TOM1L2: variants seen among roughly 807,000 people sequenced by gnomAD.
TOM1L2 encodes the protein target of myb1 like 2 membrane trafficking protein.
Under a neutral mutation model 67.9 loss-of-function variants are expected in TOM1L2, and 31 were observed. That is an observed-to-expected ratio of 0.46 (90% confidence interval 0.34 to 0.62). The LOEUF (loss-of-function observed/expected upper bound fraction) is 0.62, where lower values mean the gene tolerates loss of function less well. Ranked by LOEUF, TOM1L2 falls within the 20% of genes least tolerant of loss-of-function variation. The pLI, the probability that TOM1L2 is intolerant of heterozygous loss-of-function variation, is 0.01. For missense variants in TOM1L2, 606 were observed against 663.5 expected, an observed-to-expected ratio of 0.91 and a Z score of 0.95; for synonymous variants, 256 against 254.0, an observed-to-expected ratio of 1.01 and a Z score of -0.07.
intron 1 of TOM1L2, among the ~76,000 whole-genome samples, chr17:17,919,763 C>CA (rs1445079875): frequency 6.6e-6 from 1 of 151,876 alleles, no homozygotes; most frequent in Non-Finnish European, 1.5e-5. Flanking sequence ...TTCTTTTCAC[C>CA]AAAAAAATGG....
chr17:17,903,705 AC>A (rs2038961978), intron 2 of TOM1L2, among the ~76,000 whole-genome samples: 1 of 152,016 alleles, frequency 6.6e-6, no homozygotes, highest in South Asian at 2.1e-4. Context: ...CAAGACAGAC[AC>A]TAACAACCGT....
At chr17:17,849,012 T>C in intron 13 of TOM1L2, 153 bp from the exon 14 acceptor site, 1 of 639,238 alleles carries the variant, frequency 1.6e-6, no homozygotes, top group Admixed American at 2.9e-5. Context: ...ATTTCTGTAA[T>C]AGTAAAATAC....
chr17:17,930,282 T>C (rs968731510), intron 1 of TOM1L2, among the ~76,000 whole-genome samples: 2 of 152,118 alleles, frequency 1.3e-5, no homozygotes, highest in African/African-American at 4.8e-5. Context: ...CTTTAGCCCA[T>C]TCTCCTAACA....
intron 12 of TOM1L2, among the ~76,000 whole-genome samples, 146 bp downstream of exon 12, chr17:17,861,321 TGGGTTCCAC>T (rs892869834): frequency 5.9e-5 from 9 of 152,162 alleles, no homozygotes; most frequent in Admixed American, 1.3e-4. Context: ...AGGCACTACC[TGGGTTCCAC>T]GGGGTGTCCC....
chr17:17,926,144 C>T (rs1256394707), intron 1 of TOM1L2, among the ~76,000 whole-genome samples: 1 of 150,178 alleles, frequency 6.7e-6, no homozygotes, highest in Admixed American at 6.6e-5. Flanking sequence ...GTATTCTAGC[C>T]TGGGGGACAG....
At chr17:17,957,251 G>T (rs1243682906) in intron 1 of TOM1L2, among the ~76,000 whole-genome samples, 1 of 152,250 alleles carries the variant, frequency 6.6e-6, no homozygotes, top group East Asian at 1.9e-4. Context: ...AAAGTGCTGG[G>T]ATTACAGGCA....
intron 1 of TOM1L2, among the ~76,000 whole-genome samples, chr17:17,955,291 A>G (rs1206643194): frequency 7.1e-6 from 1 of 141,714 alleles, no homozygotes; most frequent in Non-Finnish European, 1.5e-5. Flanking sequence ...CACAGCAGCT[A>G]GTGGGAACGG....
At chr17:17,913,127 G>A (rs1451131907) in intron 1 of TOM1L2, among the ~76,000 whole-genome samples, 1 of 151,650 alleles carries the variant, frequency 6.6e-6, no homozygotes, top group Non-Finnish European at 1.5e-5. Flanking sequence ...AGTGAGCCGA[G>A]ATGGCAGCAG....
chr17:17,946,724 T>C (rs1020887326), intron 1 of TOM1L2, among the ~76,000 whole-genome samples: 1 of 152,080 alleles, frequency 6.6e-6, no homozygotes, highest in African/African-American at 2.4e-5. Flanking sequence ...GTCTAAGTAT[T>C]GATCTAATTT....
chr17:17,850,450 CA>C (rs1348150092), intron 13 of TOM1L2, among the ~76,000 whole-genome samples: 1 of 150,608 alleles, frequency 6.6e-6, no homozygotes, highest in Non-Finnish European at 1.5e-5. Flanking sequence ...CAATTAAAAA[CA>C]AAAGCACTGT....
intron 1 of TOM1L2, among the ~76,000 whole-genome samples, chr17:17,956,181 G>T (rs1179073919): frequency 3.3e-5 from 5 of 152,180 alleles, no homozygotes; most frequent in Non-Finnish European, 7.3e-5. Flanking sequence ...ATTTTACAGA[G>T]AACTGATTGG....
intron 10 of TOM1L2, among the ~76,000 whole-genome samples, chr17:17,864,420 C>A (rs2036730839): frequency 6.6e-6 from 1 of 151,144 alleles, no homozygotes; most frequent in Admixed American, 6.6e-5. Flanking sequence ...CCGTGCTAGC[C>A]AGGATGGTCT....
At position 17,948,040 on chromosome 17, in the gene TOM1L2, A is replaced by T. The variant is rs2041027981; in HGVS notation, c.52+24222T>A. Among the ~76,000 whole-genome samples, 3 of 152,234 alleles carry T rather than the reference A, an allele frequency of 2.0e-5. No homozygotes were observed. The South Asian group carries it at 6.2e-4, about 31-fold the overall frequency. ...GCTTTACATGCATTATCCAATTTGA[A>T]CATTAAACAATTCTAAGAGATATAT... On this transcript the variant is annotated intron_variant, in intron 1 of 14. Coordinates refer to ENST00000379504, the MANE Select transcript of TOM1L2 (RefSeq NM_001082968.2).
Position 17,862,795 on chromosome 17 carries a change from G to A in TOM1L2, c.1138C>T (p.Pro380Ser). The change falls in exon 11 of 15, where the codon CCC (proline) becomes TCC (serine). Residue 380 changes from proline to serine, a missense_variant. Transcript: ENST00000379504. ...GCAAACATGTCAAAGCCGTCACGGG[G>A]ATTACATTGCTGGAGTGAACTGAGG... ...GTLSSLQQCNPRDGFDMFAQT... is the reference protein window; with the variant it reads ...GTLSSLQQCNSRDGFDMFAQT... 6.8e-6 allele frequency: 11 copies of A among 1,614,172 alleles called. No homozygotes were observed. The highest frequency in any genetic ancestry group is 8.5e-6 in the Non-Finnish European group (10 of 1,180,046).
intron 1 of TOM1L2, among the ~76,000 whole-genome samples, chr17:17,932,590 T>C (rs541510122): frequency 3.3e-5 from 5 of 152,210 alleles, no homozygotes; most frequent in South Asian, 2.1e-4. Context: ...GGCTGTATTG[T>C]TGGGGGAAAG....
intron 1 of TOM1L2, among the ~76,000 whole-genome samples, chr17:17,954,811 G>A (rs1023645867): frequency 6.6e-6 from 1 of 152,202 alleles, no homozygotes; most frequent in African/African-American, 2.4e-5. Flanking sequence ...TAAGTTAGAG[G>A]AGGAGAAAAC....
rs2035654277 is a variant in TOM1L2 at position 17,846,568 on chromosome 17, A to T, written c.*1067T>A. The T allele has an allele frequency of 1.3e-5, 2 of 152,516 alleles. No individual in the cohort carries two copies. 9.4% of individuals were successfully genotyped at this position (152,516 alleles called of 1,614,324 possible). ...GGTGGGAGGAGGCCAGACTGTCAGG[A>T]GAGTCTGTGCAAGGAGGCCAAGGCC... On this transcript the variant is annotated 3_prime_UTR_variant, in exon 15 of 15. Transcript: ENST00000379504.
chr17:17,921,336 A>G (rs1490894817), intron 1 of TOM1L2, among the ~76,000 whole-genome samples: 1 of 152,210 alleles, frequency 6.6e-6, no homozygotes, highest in Non-Finnish European at 1.5e-5. Context: ...GAGGCTGCTG[A>G]CCCAAGTTCT....
chr17:17,891,839 C>A (rs1169499291), intron 4 of TOM1L2, among the ~76,000 whole-genome samples: 1 of 144,636 alleles, frequency 6.9e-6, no homozygotes, highest in East Asian at 2.1e-4. Flanking sequence ...GACAGAGAGA[C>A]AGAAGGATAT....
Sources: allele counts gnomAD v4.1 joint callset (sites outside exome capture counted in the v4.1 genomes callset), GRCh38; gene constraint gnomAD v4.1.1; transcripts MANE v1.5; gene names NCBI Gene and HGNC (gene_info 2026-07-23, HGNC 2026-07-21).